The following VGLL4 variants were observed in gnomAD, a reference collection of about 807,000 sequenced individuals.
VGLL4 encodes the protein transcription cofactor vestigial-like protein 4.
In VGLL4, 7 loss-of-function variants were observed where a neutral mutation model predicts 21.0. The ratio of observed to expected loss-of-function variants is 0.33; its 90% CI spans 0.19 to 0.63. VGLL4 has a LOEUF of 0.63. Ranked by LOEUF, VGLL4 falls within the 20% of genes least tolerant of loss-of-function variation. The pLI is 0.78. For missense variants in VGLL4, 394 were observed against 425.7 expected, an observed-to-expected ratio of 0.93 and a Z score of 0.66; for synonymous variants, 222 against 173.2, an observed-to-expected ratio of 1.28 and a Z score of -2.21.
At chr3:11,708,664 T>C (rs2125410705) in intron 1 of VGLL4, among the ~76,000 whole-genome samples, 1 of 152,334 alleles carries the variant, frequency 6.6e-6, no homozygotes, top group South Asian at 2.1e-4. Flanking sequence ...ATCCTCTACC[T>C]TACACAAAAA....
intron 2 of VGLL4, among the ~76,000 whole-genome samples, chr3:11,680,025 C>A (rs1447628410): frequency 6.6e-6 from 1 of 152,190 alleles, no homozygotes; most frequent in Non-Finnish European, 1.5e-5. Context: ...CAATGCTTAT[C>A]TTTTATTCTG....
At chr3:11,575,607 G>A (rs760583026) in intron 2 of VGLL4, among the ~76,000 whole-genome samples, 22 of 152,222 alleles carry the variant, frequency 1.4e-4, no homozygotes, top group Non-Finnish European at 3.1e-4. Context: ...TTACCCAGCG[G>A]CAGCCGCTTA....
chr3:11,714,569 CAAAAAAA>C (rs11363717), intron 1 of VGLL4, among the ~76,000 whole-genome samples: 3 of 137,692 alleles, frequency 2.2e-5, no homozygotes, highest in East Asian at 2.1e-4. Flanking sequence ...AATAAAAATA[CAAAAAAA>C]AAAAGAAAAA....
At chr3:11,644,484 G>T (rs1326397944), upstream of VGLL4, among the ~76,000 whole-genome samples, 1 of 152,144 alleles carries the variant, frequency 6.6e-6, no homozygotes, top group Admixed American at 6.5e-5. Context: ...TGGATTAAAT[G>T]ACTGGCCCAC....
chr3:11,597,679 A>G (rs1157839882), intron 2 of VGLL4, among the ~76,000 whole-genome samples: 1 of 151,956 alleles, frequency 6.6e-6, no homozygotes, highest in Non-Finnish European at 1.5e-5. Context: ...ATCTTGTTTC[A>G]TTTCTTCCCT....
chr3:11,646,720 C>T (rs1277328579), upstream of VGLL4, among the ~76,000 whole-genome samples: 1 of 152,116 alleles, frequency 6.6e-6, no homozygotes, highest in Non-Finnish European at 1.5e-5. Context: ...TCACTTAGAA[C>T]AGCAGTTCTC....
chr3:11,568,262 G>A lies in VGLL4; in HGVS notation c.273-3243C>T, dbSNP rs79455800. On this transcript the variant is annotated intron_variant, in intron 2 of 4. Transcript: ENST00000430365. This position sits in a 1 kb window ranked among gnomAD's most constrained non-coding sequence, Gnocchi z 5.9. ...CTCGCACCTTATGTCCTAGGGGCACGGCACAGTCACGCAGATGACTCAGCT... is the reference window on the plus strand; with the variant it reads ...CTCGCACCTTATGTCCTAGGGGCACAGCACAGTCACGCAGATGACTCAGCT... Among the ~76,000 whole-genome samples, 66 of 152,332 alleles carry A rather than the reference G, an allele frequency of 4.3e-4. No individual in the cohort carries two copies. In the East Asian group the frequency reaches 0.01, roughly 24 times the overall value.
intron 2 of VGLL4, among the ~76,000 whole-genome samples, chr3:11,689,018 C>T (rs2076488577): frequency 6.7e-6 from 1 of 150,044 alleles, no homozygotes; most frequent in African/African-American, 2.5e-5. Context: ...GAGACTCCAT[C>T]TCAAAAAAAA....
At chr3:11,717,992 T>C (rs1054033193) in intron 1 of VGLL4, among the ~76,000 whole-genome samples, 6 of 133,084 alleles carry the variant, frequency 4.5e-5, no homozygotes, top group Non-Finnish European at 1.0e-4. Flanking sequence ...CCCAGAGCTG[T>C]TTTTACTACA....
At chr3:11,639,034 T>C (rs1216810727) in intron 1 of VGLL4, among the ~76,000 whole-genome samples, 1 of 152,250 alleles carries the variant, frequency 6.6e-6, no homozygotes, top group Non-Finnish European at 1.5e-5. Flanking sequence ...CTATGCAATG[T>C]ATTCCTACTT....
intron 2 of VGLL4, among the ~76,000 whole-genome samples, chr3:11,695,421 C>T (rs929879850): frequency 1.3e-5 from 2 of 152,050 alleles, no homozygotes; most frequent in African/African-American, 4.8e-5. Context: ...TGGCCACTTA[C>T]TCTCATATAG....
intron 2 of VGLL4, among the ~76,000 whole-genome samples, chr3:11,587,994 G>A (rs767951703): frequency 6.6e-6 from 1 of 152,222 alleles, no homozygotes; most frequent in Non-Finnish European, 1.5e-5. Context: ...AGGGAAAGGA[G>A]AGCGGTGGCG....
chr3:11,570,506 A>C (rs1390207803), intron 2 of VGLL4, among the ~76,000 whole-genome samples: 6 of 152,120 alleles, frequency 3.9e-5, no homozygotes, highest in Non-Finnish European at 8.8e-5. Context: ...TGCAGCCCCC[A>C]CGCCCTAATC....
At chr3:11,630,699 T>G (rs952503241) in intron 1 of VGLL4, among the ~76,000 whole-genome samples, 1 of 152,186 alleles carries the variant, frequency 6.6e-6, no homozygotes, top group Admixed American at 6.5e-5. Flanking sequence ...GAAATGCTTA[T>G]ACACTGCTGG....
At chr3:11,596,132 G>C (rs1217569571) in intron 2 of VGLL4, among the ~76,000 whole-genome samples, 1 of 152,094 alleles carries the variant, frequency 6.6e-6, no homozygotes, top group Non-Finnish European at 1.5e-5. Flanking sequence ...ACAGGGTAGG[G>C]AGTAACATTA....
Position 11,568,457 on chromosome 3 carries a change from GA to G in VGLL4, c.273-3439del. Reference sequence around the variant, plus strand: ...CCCACCCTACGCAGGGCAGCAGGGAGAAGGGGACTTCCAGGCCCACTAACTG... The same window carrying G: ...CCCACCCTACGCAGGGCAGCAGGGAGAGGGGACTTCCAGGCCCACTAACTG... On this transcript the variant is annotated intron_variant, in intron 2 of 4. Coordinates refer to ENST00000430365, the MANE Select transcript of VGLL4 (RefSeq NM_001128219.3). The surrounding 1 kb of genome is among the most constrained non-coding windows in gnomAD (Gnocchi z 5.9). The G allele has an allele frequency of 8.8e-7, 1 of 1,137,220 alleles. No individual in the cohort carries two copies. Among genetic ancestry groups the G allele is most frequent in the Non-Finnish European group, 1.3e-6 (1 of 787,204 alleles). The allele number at this position is 1,137,220 out of a possible 1,614,324, so 70.4% of individuals were successfully genotyped here. A position where few individuals can be genotyped will look rare whatever the true frequency, so the allele number is the denominator to read the frequency against.
chr3:11,575,265 C>T (rs896523298), intron 2 of VGLL4, among the ~76,000 whole-genome samples: 12 of 152,208 alleles, frequency 7.9e-5, no homozygotes, highest in Non-Finnish European at 1.3e-4. Context: ...AGCAAACGGG[C>T]GTCCATTCTG....
intron 1 of VGLL4, among the ~76,000 whole-genome samples, chr3:11,636,862 GATGA>G (rs1407141559): frequency 6.6e-6 from 1 of 152,164 alleles, no homozygotes; most frequent in Non-Finnish European, 1.5e-5. Flanking sequence ...TGGAGCTACA[GATGA>G]ATGAGAAGGG....
At chr3:11,635,543 T>C (rs2075569828) in intron 1 of VGLL4, among the ~76,000 whole-genome samples, 1 of 152,200 alleles carries the variant, frequency 6.6e-6, no homozygotes, top group Non-Finnish European at 1.5e-5. Context: ...CCACTCACTC[T>C]CTCTTTATTG....
Sources: allele counts gnomAD v4.1 joint callset (sites outside exome capture counted in the v4.1 genomes callset), GRCh38; gene constraint gnomAD v4.1.1; non-coding constraint Gnocchi (gnomAD v3.1); transcripts MANE v1.5; gene names NCBI Gene and HGNC (gene_info 2026-07-23, HGNC 2026-07-21).